The following FSTL5 variants were observed in gnomAD, a reference collection of about 807,000 sequenced individuals.
FSTL5 encodes follistatin like 5.
Under a neutral mutation model 89.1 loss-of-function variants are expected in FSTL5, and 62 were observed. The ratio of observed to expected loss-of-function variants is 0.70; its 90% CI spans 0.57 to 0.86. The LOEUF (loss-of-function observed/expected upper bound fraction) is 0.86. Among genes scored for constraint, FSTL5 ranks in the 40% least tolerant of loss-of-function variants. The pLI, the probability that FSTL5 is intolerant of heterozygous loss-of-function variation, is 0.00. For synonymous variants in FSTL5, 383 were observed against 346.2 expected, an observed-to-expected ratio of 1.11 and a Z score of -1.18; for missense variants, 1,057 against 1,001.6, an observed-to-expected ratio of 1.06 and a Z score of -0.75.
At chr4:161,602,411 A>G (rs1560974053) in intron 7 of FSTL5, among the ~76,000 whole-genome samples, 1 of 152,130 alleles carries the variant, frequency 6.6e-6, no homozygotes, top group Non-Finnish European at 1.5e-5. Context: ...ACAAAGGGCA[A>G]ATTAGTAGGA....
Position 161,935,603 on chromosome 4 carries a change from G to A in FSTL5, c.161-14951C>T, listed in dbSNP as rs72691302. ...TGGACATCTTGGCAGGACTGTTCAT[G>A]GAAATCTTCTAGAGAATATGAAGGT... is the stretch of plus-strand genomic sequence containing the variant. On this transcript the variant is annotated intron_variant, in intron 3 of 15. Transcript: ENST00000306100. Among the ~76,000 whole-genome samples, 161 of 152,144 alleles carry A rather than the reference G, an allele frequency of 1.1e-3. 1 individual carries two copies. The highest frequency in any genetic ancestry group is 3.4e-3 in the Middle Eastern group (1 of 294).
intron 6 of FSTL5, among the ~76,000 whole-genome samples, chr4:161,714,886 A>G (rs1281263185): frequency 1.3e-5 from 2 of 152,176 alleles, no homozygotes; most frequent in Non-Finnish European, 2.9e-5. Flanking sequence ...AGGTATGAAA[A>G]GTAAGCATTT....
chr4:161,897,475 T>A (rs1000928123), intron 4 of FSTL5, among the ~76,000 whole-genome samples: 1 of 149,408 alleles, frequency 6.7e-6, no homozygotes. Flanking sequence ...CTCAGGAGAC[T>A]GAGGCAGGAG....
chr4:161,746,378 T>C (rs185881439), intron 6 of FSTL5, among the ~76,000 whole-genome samples: 2 of 152,266 alleles, frequency 1.3e-5, no homozygotes, highest in Admixed American at 1.3e-4. Context: ...CCAACTCCAC[T>C]TGTTCAAGCC....
At chr4:161,940,066 G>A (rs1022116602) in intron 3 of FSTL5, among the ~76,000 whole-genome samples, 20 of 151,768 alleles carry the variant, frequency 1.3e-4, no homozygotes, top group Middle Eastern at 3.4e-3. Flanking sequence ...CTGGCTCTTA[G>A]AATAGCTGAA....
At chr4:161,933,714 A>G (rs1368304127) in intron 3 of FSTL5, among the ~76,000 whole-genome samples, 1 of 151,950 alleles carries the variant, frequency 6.6e-6, no homozygotes, top group African/African-American at 2.4e-5. Flanking sequence ...CAACTCGTCT[A>G]TCATTTTTAT....
intron 15 of FSTL5, among the ~76,000 whole-genome samples, chr4:161,414,559 T>A (rs1455580489): frequency 2.0e-5 from 3 of 152,202 alleles, no homozygotes; most frequent in Non-Finnish European, 2.9e-5. Context: ...TTATTTAACA[T>A]TAGAATATCA....
At chr4:162,045,454 C>T (rs1738134045) in intron 2 of FSTL5, among the ~76,000 whole-genome samples, 1 of 152,008 alleles carries the variant, frequency 6.6e-6, no homozygotes, top group Admixed American at 6.6e-5. Context: ...CAATTTCATG[C>T]TTCTATCAAA....
intron 4 of FSTL5, among the ~76,000 whole-genome samples, chr4:161,846,737 G>A (rs945308230): frequency 6.6e-6 from 1 of 152,008 alleles, no homozygotes; most frequent in Non-Finnish European, 1.5e-5. Flanking sequence ...TAGGTCAAAA[G>A]GTTTGTCAAA....
At chr4:161,708,667 T>C (rs1226679034) in intron 6 of FSTL5, among the ~76,000 whole-genome samples, 1 of 152,074 alleles carries the variant, frequency 6.6e-6, no homozygotes, top group Non-Finnish European at 1.5e-5. Context: ...CTCCTTTCCA[T>C]GACTGCGACT....
intron 1 of FSTL5, among the ~76,000 whole-genome samples, chr4:162,150,825 A>G (rs1242228296): frequency 6.6e-6 from 1 of 152,180 alleles, no homozygotes; most frequent in Non-Finnish European, 1.5e-5. Flanking sequence ...TATAATAATA[A>G]AAGCATAACT....
chr4:161,690,479 T>C (rs1737893701), intron 6 of FSTL5, among the ~76,000 whole-genome samples: 1 of 152,088 alleles, frequency 6.6e-6, no homozygotes, highest in Admixed American at 6.5e-5. Flanking sequence ...TATTTAACTA[T>C]TCAAGTCACT....
chr4:161,766,070 A>C (rs940658282), intron 5 of FSTL5, among the ~76,000 whole-genome samples: 4 of 152,206 alleles, frequency 2.6e-5, no homozygotes, highest in African/African-American at 9.6e-5. Context: ...ATGAGATTAC[A>C]GGCGTGAGCC....
intron 1 of FSTL5, among the ~76,000 whole-genome samples, chr4:162,132,929 G>C (rs1425658636): frequency 6.6e-6 from 1 of 152,118 alleles, no homozygotes; most frequent in Non-Finnish European, 1.5e-5. Context: ...AGCAGAAAAA[G>C]TGGTAGTAAT....
At chr4:161,501,864 G>A (rs1350648512) in intron 11 of FSTL5, among the ~76,000 whole-genome samples, 1 of 151,934 alleles carries the variant, frequency 6.6e-6, no homozygotes, top group Admixed American at 6.6e-5. Flanking sequence ...AAAGCTTTTT[G>A]ATTTGTATCA....
chr4:162,090,725 G>C (rs1014745047), intron 2 of FSTL5, among the ~76,000 whole-genome samples: 1 of 151,900 alleles, frequency 6.6e-6, no homozygotes, highest in Admixed American at 6.6e-5. Context: ...GGTGGCTGAG[G>C]CACGGATCCC....
chr4:161,755,904 A>G (rs1449604066), intron 6 of FSTL5, among the ~76,000 whole-genome samples: 18 of 152,050 alleles, frequency 1.2e-4, no homozygotes, highest in Non-Finnish European at 4.4e-5. Context: ...ACTAAACTTC[A>G]CAAAACCCAA....
At chr4:161,708,045 T>C (rs375386662) in intron 6 of FSTL5, among the ~76,000 whole-genome samples, 2 of 152,060 alleles carry the variant, frequency 1.3e-5, no homozygotes, top group East Asian at 3.8e-4. Flanking sequence ...GTGCATGTAT[T>C]ACAATATGGA....
chr4:161,487,270 G>A lies in FSTL5; in HGVS notation c.1459-6101C>T, dbSNP rs544314183. Among the ~76,000 whole-genome samples the A allele has an allele frequency of 2.6e-5, 4 of 152,232 alleles. No homozygotes were observed. The South Asian group carries it at 6.2e-4, about 24-fold the overall frequency. ...GCCAAAAAGAAAAAATAGTCAAGAA[G>A]TGGTGTATGTTACTCAATCACGATG... is the stretch of plus-strand genomic sequence containing the variant. On this transcript the variant is annotated intron_variant, in intron 12 of 15. Transcript: ENST00000306100.
Sources: allele counts gnomAD v4.1 joint callset (sites outside exome capture counted in the v4.1 genomes callset), GRCh38; gene constraint gnomAD v4.1.1; transcripts MANE v1.5; gene names NCBI Gene and HGNC (gene_info 2026-07-23, HGNC 2026-07-21).